The following PDE4D variants were observed in gnomAD, a reference collection of about 807,000 sequenced individuals.
PDE4D encodes phosphodiesterase 4D.
A neutral mutation model predicts 87.4 loss-of-function variants in PDE4D; 24 were observed. The ratio of observed to expected loss-of-function variants is 0.27; its 90% CI spans 0.20 to 0.39. PDE4D has a LOEUF of 0.39. Among genes scored for constraint, PDE4D ranks in the 10% least tolerant of loss-of-function variants. The pLI, the probability that PDE4D is intolerant of heterozygous loss-of-function variation, is 1.00. For missense variants in PDE4D, 714 were observed against 1,041.0 expected (o/e 0.69, Z 4.32); for synonymous variants, 384 against 383.2 (o/e 1.00, Z -0.02).
At chr5:59,064,896 A>G (rs2153413737) in intron 5 of PDE4D, among the ~76,000 whole-genome samples, 1 of 152,164 alleles carries the variant, frequency 6.6e-6, no homozygotes, top group Middle Eastern at 3.4e-3. Flanking sequence ...TACTTTCGAA[A>G]CAGGAAGTAA....
intron 1 of PDE4D, among the ~76,000 whole-genome samples, chr5:60,387,922 CT>C (rs1762305640): frequency 6.6e-6 from 1 of 152,172 alleles, no homozygotes. Flanking sequence ...AGTCTGGTGT[CT>C]TTTGACCAAC....
chr5:59,929,752 T>G (rs1755687143), intron 3 of PDE4D, among the ~76,000 whole-genome samples: 1 of 152,196 alleles, frequency 6.6e-6, no homozygotes. Context: ...GGATTATTAG[T>G]AGACCTGACT....
intron 6 of PDE4D, among the ~76,000 whole-genome samples, chr5:59,031,707 CAAAAAAAAAAAA>C (rs70973183): frequency 1.8e-4 from 3 of 16,682 alleles, no homozygotes; most frequent in Non-Finnish European, 3.0e-4. Context: ...GACTCCACCT[CAAAAAAAAAAAA>C]AAAAAAAAAA....
At chr5:60,378,252 C>T (rs889890867) in intron 1 of PDE4D, among the ~76,000 whole-genome samples, 8 of 152,108 alleles carry the variant, frequency 5.3e-5, no homozygotes, top group African/African-American at 1.9e-4. Context: ...GTAAAGGGGA[C>T]ACATGTTGGG....
intron 1 of PDE4D, among the ~76,000 whole-genome samples, chr5:59,411,884 C>T (rs746001029): frequency 3.9e-5 from 6 of 152,184 alleles, no homozygotes; most frequent in African/African-American, 4.8e-5. Context: ...TACTTAATGA[C>T]GCTGGGACCA....
chr5:59,482,165 T>G (rs919469404), intron 1 of PDE4D, among the ~76,000 whole-genome samples: 7 of 152,170 alleles, frequency 4.6e-5, no homozygotes, highest in African/African-American at 1.7e-4. Flanking sequence ...AGCTTGTGAA[T>G]TAACAAAATG....
At chr5:59,688,734 G>A (rs1220376422) in intron 1 of PDE4D, among the ~76,000 whole-genome samples, 2 of 152,118 alleles carry the variant, frequency 1.3e-5, no homozygotes, top group African/African-American at 4.8e-5. Flanking sequence ...CAGAACTGAA[G>A]GAGATAGAGA....
rs547620508 is a variant in PDE4D at position 60,520,352 on chromosome 5, T to C, written n.70+1699A>G. 1.4e-3 allele frequency among the ~76,000 whole-genome samples: 207 copies of C among 152,294 alleles called. 2 individuals carry two copies. The highest frequency in any genetic ancestry group is 6.8e-3 in the Middle Eastern group (2 of 294). Reference sequence around the variant, plus strand: ...GACTACTAACCCCACACCTGGACCATATTCAAGCCAGAGTCGGATTTTCCT... The same window carrying C: ...GACTACTAACCCCACACCTGGACCACATTCAAGCCAGAGTCGGATTTTCCT... On this transcript the variant is annotated intron_variant and non_coding_transcript_variant, in intron 1 of 2. Transcript: ENST00000506510.
At chr5:59,662,331 C>CA (rs1373527999) in intron 1 of PDE4D, among the ~76,000 whole-genome samples, 1 of 152,182 alleles carries the variant, frequency 6.6e-6, no homozygotes, top group East Asian at 1.9e-4. Flanking sequence ...TCAATGGTCA[C>CA]AATTCAGGAG....
intron 1 of PDE4D, among the ~76,000 whole-genome samples, chr5:59,275,174 A>G (rs1207295447): frequency 6.6e-6 from 1 of 152,094 alleles, no homozygotes; most frequent in African/African-American, 2.4e-5. Context: ...ATCAGCACCC[A>G]TTTGGTTAAA....
chr5:59,788,657 C>T (rs780331755), intron 1 of PDE4D, among the ~76,000 whole-genome samples: 2 of 152,272 alleles, frequency 1.3e-5, no homozygotes, highest in South Asian at 4.1e-4. Flanking sequence ...GCAGTGGTTC[C>T]AAGAAGGGGG....
intron 3 of PDE4D, among the ~76,000 whole-genome samples, chr5:59,934,072 C>T (rs893693271): frequency 3.9e-5 from 6 of 152,118 alleles, no homozygotes; most frequent in African/African-American, 1.4e-4. Flanking sequence ...CAACTTCCGC[C>T]TCCCAGGCTC....
chr5:60,038,657 A>G (rs1423311730), intron 2 of PDE4D, among the ~76,000 whole-genome samples: 4 of 152,226 alleles, frequency 2.6e-5, no homozygotes, highest in East Asian at 1.9e-4. Flanking sequence ...GCAACCTACA[A>G]AATGGGAGAA....
intron 1 of PDE4D, among the ~76,000 whole-genome samples, chr5:59,295,677 T>G (rs1329341807): frequency 1.3e-5 from 2 of 152,064 alleles, no homozygotes; most frequent in African/African-American, 4.8e-5. Context: ...TTTTTGTAGT[T>G]TTCATCAGAG....
chr5:59,840,458 G>A (rs1487117449), intron 1 of PDE4D, among the ~76,000 whole-genome samples: 2 of 152,006 alleles, frequency 1.3e-5, no homozygotes, highest in Non-Finnish European at 2.9e-5. Flanking sequence ...TCCTAGAGCA[G>A]TGCTGACACA....
At chr5:58,982,553 A>G (rs1296305503) in intron 11 of PDE4D, among the ~76,000 whole-genome samples, 2 of 152,318 alleles carry the variant, frequency 1.3e-5, no homozygotes, top group East Asian at 3.9e-4. Context: ...CTTTTCCACT[A>G]AGGACAAAAT....
At chr5:60,316,392 C>T (rs1042002917) in intron 1 of PDE4D, among the ~76,000 whole-genome samples, 46 of 152,164 alleles carry the variant, frequency 3.0e-4, no homozygotes, top group Admixed American at 7.2e-4. Context: ...TGGGCTGAGA[C>T]GATGGGGTTT....
intron 1 of PDE4D, among the ~76,000 whole-genome samples, chr5:59,752,665 T>C (rs1379534857): frequency 6.6e-6 from 1 of 152,182 alleles, no homozygotes; most frequent in Non-Finnish European, 1.5e-5. Flanking sequence ...TGGAAATTAA[T>C]GTCATCTAGT....
intron 1 of PDE4D, among the ~76,000 whole-genome samples, chr5:59,666,146 A>C (rs1185267513): frequency 6.6e-6 from 1 of 152,108 alleles, no homozygotes; most frequent in Non-Finnish European, 1.5e-5. Context: ...TTTTTAGTAG[A>C]GATGGGGTTT....
Sources: gnomAD v4.1 joint callset for allele counts (sites outside exome capture counted in the v4.1 genomes callset) on GRCh38, gnomAD v4.1.1 for gene constraint, MANE v1.5 for transcripts, NCBI Gene and HGNC (gene_info 2026-07-23, HGNC 2026-07-21) for gene names.